Variants in WWOX observed in about 807,000 individuals in gnomAD.
WWOX encodes the protein WW domain containing oxidoreductase, also known as WW domain-containing oxidoreductase.
In WWOX, 69 loss-of-function variants were observed where a neutral mutation model predicts 46.2. The ratio of observed to expected loss-of-function variants is 1.49; its 90% CI spans 1.23 to 1.82. WWOX has a LOEUF of 1.82. WWOX is among the 40% of genes most tolerant of loss of function. WWOX has a pLI of 0.00. For synonymous variants in WWOX, 359 were observed against 202.6 expected, an observed-to-expected ratio of 1.77 and a Z score of -6.56; for missense variants, 919 against 542.6, an observed-to-expected ratio of 1.69 and a Z score of -6.89.
chr16:78,191,341 A>C (rs1405278900), intron 5 of WWOX, among the ~76,000 whole-genome samples: 2 of 152,230 alleles, frequency 1.3e-5, no homozygotes. Context: ...AGTTGGAGCA[A>C]CAAGGCTTGG....
chr16:79,117,846 C>A (rs1267168107), intron 8 of WWOX, among the ~76,000 whole-genome samples: 1 of 152,190 alleles, frequency 6.6e-6, no homozygotes, highest in Non-Finnish European at 1.5e-5. Flanking sequence ...AGCCTTCACA[C>A]AATTATAGAG....
chr16:78,521,534 C>T (rs1406646374), intron 8 of WWOX, among the ~76,000 whole-genome samples: 1 of 152,166 alleles, frequency 6.6e-6, no homozygotes. Flanking sequence ...TAGGTTTCCT[C>T]CTTCGTTAAA....
rs181998458 is a variant in WWOX at position 78,935,188 on chromosome 16, C to G, written c.1057-276420C>G. Among the ~76,000 whole-genome samples, 347 of 152,286 alleles carry G rather than the reference C, an allele frequency of 2.3e-3. 3 individuals are homozygous for G. Among genetic ancestry groups the G allele is most frequent in the African/African-American group, 7.9e-3 (330 of 41,552 alleles). ...AAACCAGTTCAACCATTGTGGAAGACATTGTGGCGATTCCTCAAGGATCTA... is the reference window on the plus strand; with the variant it reads ...AAACCAGTTCAACCATTGTGGAAGAGATTGTGGCGATTCCTCAAGGATCTA... On this transcript the variant is annotated intron_variant, in intron 8 of 8. Transcript: ENST00000566780.
chr16:78,287,647 G>A (rs932308154), intron 5 of WWOX, among the ~76,000 whole-genome samples: 1 of 152,130 alleles, frequency 6.6e-6, no homozygotes, highest in African/African-American at 2.4e-5. Context: ...CAAGGGACTG[G>A]CTCAATCAAA....
intron 8 of WWOX, chr16:78,897,260 A>AAAAAAAC (rs2044724538): frequency 6.7e-6 from 1 of 148,554 alleles, no homozygotes; most frequent in African/African-American, 2.5e-5. Flanking sequence ...AAAAAAAAAA[A>AAAAAAAC]AAAAAACCAA....
At chr16:79,131,904 A>G (rs915280337) in intron 8 of WWOX, among the ~76,000 whole-genome samples, 5 of 152,208 alleles carry the variant, frequency 3.3e-5, no homozygotes, top group African/African-American at 1.2e-4. Flanking sequence ...CAGCAGGCAA[A>G]GAGAGTGAGC....
intron 4 of WWOX, among the ~76,000 whole-genome samples, chr16:78,154,662 C>T (rs964210883): frequency 7.2e-5 from 11 of 152,170 alleles, no homozygotes; most frequent in African/African-American, 2.7e-4. Context: ...ATCCCTGAGC[C>T]TGCTACCCTT....
At chr16:78,933,684 CAA>C (rs1466572673) in intron 8 of WWOX, among the ~76,000 whole-genome samples, 2 of 152,056 alleles carry the variant, frequency 1.3e-5, no homozygotes, top group African/African-American at 4.8e-5. Context: ...CGGGGGCAGA[CAA>C]GAGAGGAGAG....
rs190056915 is a variant in WWOX, at chr16:78,368,978, T to G, written c.517-17882T>G. 2.6e-5 allele frequency among the ~76,000 whole-genome samples: 4 copies of G among 152,250 alleles called. No homozygotes were observed. In the East Asian group the frequency reaches 7.7e-4, roughly 29 times the overall value. On this transcript the variant is annotated intron_variant, in intron 5 of 8. Transcript: ENST00000566780. ...ACTTCCTGTCTGCCTTTCTCTGCAT[T>G]TCTCAGTCTCCCCATCTCCCCTTCT...
chr16:78,222,357 A>G (rs1049887255), intron 5 of WWOX, among the ~76,000 whole-genome samples: 1 of 151,524 alleles, frequency 6.6e-6, no homozygotes, highest in Non-Finnish European at 1.5e-5. Context: ...AAAAAAAAAA[A>G]AAAGGAGAAG....
chr16:78,144,432 TATATATATATATATACAC>T (rs2034097192), intron 4 of WWOX, among the ~76,000 whole-genome samples: 1 of 14,950 alleles, frequency 6.7e-5, no homozygotes, highest in Admixed American at 9.3e-4. Flanking sequence ...GCCATTACTA[TATATATATATATATACAC>T]ATATATATAT....
intron 8 of WWOX, among the ~76,000 whole-genome samples, chr16:79,127,558 G>A (rs920721822): frequency 2.6e-5 from 4 of 152,120 alleles, no homozygotes; most frequent in East Asian, 1.9e-4. Flanking sequence ...ATTGCAAATT[G>A]TGCCGCAACG....
chr16:78,972,058 G>A (rs946658355), intron 8 of WWOX, among the ~76,000 whole-genome samples: 1 of 152,076 alleles, frequency 6.6e-6, no homozygotes, highest in African/African-American at 2.4e-5. Context: ...ACCCTGATCT[G>A]CCGGAAGGTC....
chr16:78,787,235 A>C (rs1490152005), intron 8 of WWOX, among the ~76,000 whole-genome samples: 1 of 152,182 alleles, frequency 6.6e-6, no homozygotes, highest in African/African-American at 2.4e-5. Context: ...TAATACGTTC[A>C]CAATATCGTG....
intron 8 of WWOX, among the ~76,000 whole-genome samples, chr16:78,726,492 C>T (rs1029645158): frequency 1.8e-4 from 28 of 152,068 alleles, no homozygotes; most frequent in African/African-American, 6.5e-4. Flanking sequence ...CCTCAGCCTT[C>T]CAAAGTGTTA....
chr16:78,774,529 T>C (rs886547065), intron 8 of WWOX, among the ~76,000 whole-genome samples: 201 of 120,088 alleles, frequency 1.7e-3, no homozygotes, highest in African/African-American at 4.8e-3. Context: ...TGTGTGTGTG[T>C]GTGCGCGTGC....
At chr16:78,677,645 C>T (rs1419772021) in intron 8 of WWOX, among the ~76,000 whole-genome samples, 1 of 152,168 alleles carries the variant, frequency 6.6e-6, no homozygotes, top group Admixed American at 6.5e-5. Flanking sequence ...CTGCCTGGGG[C>T]ATGCATGTGG....
At chr16:79,154,552 T>A (rs9931844) in intron 8 of WWOX, among the ~76,000 whole-genome samples, 2,329 of 151,254 alleles carry the variant, frequency 0.015, 59 homozygotes, top group African/African-American at 0.053. Context: ...ATATAGCCAC[T>A]CTTTTCTGAA....
intron 8 of WWOX, among the ~76,000 whole-genome samples, chr16:78,870,237 C>G (rs575975416): frequency 1.9e-4 from 29 of 152,320 alleles, no homozygotes; most frequent in African/African-American, 6.7e-4. Flanking sequence ...ATTCAGGACT[C>G]TGGTTTCTGT....
Sources: allele counts gnomAD v4.1 joint callset (sites outside exome capture counted in the v4.1 genomes callset), GRCh38; gene constraint gnomAD v4.1.1; transcripts MANE v1.5; gene names NCBI Gene and HGNC (gene_info 2026-07-23, HGNC 2026-07-21).